Variants in ANK2 observed in about 807,000 individuals in gnomAD.
The protein encoded by ANK2 is ankyrin 2.
ANK2 carries 83 observed loss-of-function variants against 360.5 expected under a neutral mutation model. That is an observed-to-expected ratio of 0.23 (90% CI 0.19 to 0.28). ANK2 has a LOEUF of 0.28. ANK2 is among the 10% of genes least tolerant of loss of function. ANK2 has a pLI of 1.00. For missense variants in ANK2, 4,201 were observed against 4,795.7 expected (o/e 0.88, Z 3.66); for synonymous variants, 1,740 against 1,759.5 (o/e 0.99, Z 0.28).
chr4:113,173,192 G>C (rs1362364861), intron 1 of ANK2, among the ~76,000 whole-genome samples: 1 of 152,130 alleles, frequency 6.6e-6, no homozygotes, highest in African/African-American at 2.4e-5. Context: ...TAGTTCTATG[G>C]TTTTCAGTCT....
chr4:113,089,127 G>A (rs558450908), intron 1 of ANK2, among the ~76,000 whole-genome samples: 12 of 152,238 alleles, frequency 7.9e-5, no homozygotes, highest in African/African-American at 2.9e-4. Flanking sequence ...AAGTCATAGT[G>A]CCACTTCACC....
chr4:112,749,354 G>C, the ANK2 span, among the ~76,000 whole-genome samples: 2 of 152,202 alleles, frequency 1.3e-5, no homozygotes, highest in African/African-American at 2.4e-5. Flanking sequence ...GCATGTAGGG[G>C]TTTCAAGTCT....
intron 18 of ANK2, among the ~76,000 whole-genome samples, chr4:113,287,379 A>C (rs1460059178): frequency 6.6e-6 from 1 of 152,196 alleles, no homozygotes; most frequent in Non-Finnish European, 1.5e-5. Flanking sequence ...TAGAAAATAG[A>C]AAATGTAATT....
At position 113,341,849 on chromosome 4, in the gene ANK2, A is replaced by G. The variant is rs2153979257; in HGVS notation, c.4055A>G (p.Asp1352Gly). 1.2e-6 allele frequency: 2 copies of G among 1,614,108 alleles called. No homozygotes were observed. Among genetic ancestry groups the G allele is most frequent in the Non-Finnish European group, 1.7e-6 (2 of 1,180,022 alleles). Residue 1352 changes from aspartate to glycine, a missense_variant, in exon 33 of 46, where the codon GAT (aspartate) becomes GGT (glycine). Physicochemically the swap from Asp to Gly is moderately conservative, Grantham distance 94 (BLOSUM62 -1). Around this residue, in one of 4 missense-constraint regions of ANK2, gnomAD observed 1,268 missense variants for 1,650.8 expected, o/e 0.77. Transcript: ENST00000357077. Reference protein sequence around the residue: ...ARLRCFCMTDDKVDKTLEQQE... With the variant: ...ARLRCFCMTDGKVDKTLEQQE... ...TTGAGGTGTTTCTGCATGACTGATG[A>G]TAAAGTGGATAAGACCCTTGAACAA...
chr4:112,750,790 C>CA, the ANK2 span, among the ~76,000 whole-genome samples: 1 of 151,708 alleles, frequency 6.6e-6, no homozygotes, highest in Non-Finnish European at 1.5e-5. Flanking sequence ...TGCAGTGGTG[C>CA]AGTCTTGGCT....
the ANK2 span, among the ~76,000 whole-genome samples, chr4:112,805,094 T>A: frequency 6.6e-6 from 1 of 152,160 alleles, no homozygotes; most frequent in African/African-American, 2.4e-5. Flanking sequence ...TAGAAGTGAC[T>A]AGCACTGAGG....
chr4:113,314,770 A>G (rs560184394), intron 24 of ANK2, among the ~76,000 whole-genome samples: 1 of 152,164 alleles, frequency 6.6e-6, no homozygotes, highest in African/African-American at 2.4e-5. Context: ...TGGTGTTGGA[A>G]TAGTCCATCT....
the ANK2 span, among the ~76,000 whole-genome samples, chr4:112,728,998 G>C: frequency 6.6e-6 from 1 of 152,050 alleles, no homozygotes; most frequent in Non-Finnish European, 1.5e-5. Flanking sequence ...CATCAGCCCA[G>C]GAGTTGGAGA....
the ANK2 span, among the ~76,000 whole-genome samples, chr4:112,755,034 A>T: frequency 6.6e-6 from 1 of 152,244 alleles, no homozygotes; most frequent in Non-Finnish European, 1.5e-5. Context: ...GCTAATATTT[A>T]TCTTGCCAGG....
chr4:113,248,471 C>A (rs2044246993), intron 9 of ANK2, among the ~76,000 whole-genome samples: 1 of 152,060 alleles, frequency 6.6e-6, no homozygotes, highest in South Asian at 2.1e-4. Context: ...AAGTCCTTTT[C>A]ATGTCTTGCT....
At chr4:112,780,143 C>T in the ANK2 span, among the ~76,000 whole-genome samples, 3 of 150,878 alleles carry the variant, frequency 2.0e-5, no homozygotes, top group South Asian at 4.2e-4. Flanking sequence ...GCTAAGATTG[C>T]GCCACTGCAC....
rs1284927438 is a variant in ANK2 at position 113,367,614 on chromosome 4, A to G, written c.11081A>G (p.Lys3694Arg). The change falls in exon 42 of 46, where the codon AAA becomes AGA. Residue 3694 changes from lysine to arginine, a missense_variant. Around this residue, in one of 4 missense-constraint regions of ANK2, gnomAD observed 2,642 missense variants for 2,714.5 expected, o/e 0.97. Coordinates refer to ENST00000357077, the MANE Select transcript of ANK2 (RefSeq NM_001148.6). ...TTATGCACTGCACAGCACAAGCAGAAAGAGGAGCAAGCTGTTTCTAAAGAA... is the reference window on the plus strand; with the variant it reads ...TTATGCACTGCACAGCACAAGCAGAGAGAGGAGCAAGCTGTTTCTAAAGAA... ...EELCTAQHKQ[K>R]EEQAVSKESE... 1 of 1,613,794 alleles carries G rather than the reference A, an allele frequency of 6.2e-7. No homozygotes were observed.
intron 2 of ANK2, among the ~76,000 whole-genome samples, chr4:112,996,801 T>C (rs2048681374): frequency 6.6e-6 from 1 of 152,170 alleles, no homozygotes; most frequent in Non-Finnish European, 1.5e-5. Flanking sequence ...ATAGTTACCC[T>C]GTTGTGCCAC....
Position 113,264,930 on chromosome 4 carries a change from G to A in ANK2, c.1420G>A (p.Ala474Thr). 6.4e-7 allele frequency: 1 copy of A among 1,568,350 alleles called. No homozygotes were observed. The highest frequency in any genetic ancestry group is 2.3e-5 in the East Asian group (1 of 42,756). ...GACGGCACTACACATGGCAGCCCGA[G>A]CCGGGCAGGTGGAAGTGGTCCGATG... ...GETALHMAAR[A>T]GQVEVVRCLL... is the part of the protein sequence containing the mutation. Residue 474 changes from alanine to threonine, a missense_variant, in exon 14 of 46, where the codon GCC becomes ACC. By Grantham distance (58) the Ala-to-Thr change is moderately conservative. Around this residue, in one of 4 missense-constraint regions of ANK2, gnomAD observed 1,268 missense variants for 1,650.8 expected, o/e 0.77. Transcript: ENST00000357077.
the ANK2 span, among the ~76,000 whole-genome samples, chr4:112,726,778 G>T: frequency 7.3e-5 from 11 of 149,806 alleles, no homozygotes; most frequent in African/African-American, 2.7e-4. Context: ...GTGAACCTGG[G>T]AGGCGGAGCT....
intron 1 of ANK2, among the ~76,000 whole-genome samples, chr4:112,837,178 CA>C (rs1301473438): frequency 6.6e-6 from 1 of 152,232 alleles, no homozygotes; most frequent in Non-Finnish European, 1.5e-5. Context: ...GCTCCAGTTC[CA>C]GCTGTGGCTA....
chr4:113,206,683 T>C (rs1225860121), intron 4 of ANK2, among the ~76,000 whole-genome samples: 1 of 152,184 alleles, frequency 6.6e-6, no homozygotes, highest in African/African-American at 2.4e-5. Context: ...ATATGCTTTT[T>C]CCAGTTCTCT....
chr4:113,085,489 A>C (rs1395980004), intron 1 of ANK2, among the ~76,000 whole-genome samples: 1 of 151,688 alleles, frequency 6.6e-6, no homozygotes, highest in Non-Finnish European at 1.5e-5. Flanking sequence ...TTGTATTTTT[A>C]GTAGAGATGG....
At chr4:113,339,881 C>G (rs1210735638) in intron 32 of ANK2, among the ~76,000 whole-genome samples, 1 of 152,202 alleles carries the variant, frequency 6.6e-6, no homozygotes, top group Non-Finnish European at 1.5e-5. Flanking sequence ...ATTGTTACCT[C>G]TCTTTAACTT....
Sources: gnomAD v4.1 joint callset for allele counts (sites outside exome capture counted in the v4.1 genomes callset) on GRCh38, gnomAD v4.1.1 for gene constraint, gnomAD v4.1.1 regional missense constraint, MANE v1.5 for transcripts, NCBI Gene and HGNC (gene_info 2026-07-23, HGNC 2026-07-21) for gene names.